Variants in HMGB1 observed in about 807,000 individuals in gnomAD.
HMGB1 encodes the protein high mobility group box 1, also known as high mobility group protein B1.
For missense variants in HMGB1, 79 were observed against 253.5 expected (o/e 0.31, Z 4.67); for synonymous variants, 81 against 84.0 (o/e 0.96, Z 0.19).
intron 1 of HMGB1, among the ~76,000 whole-genome samples, chr13:30,500,434 A>C (rs1887708236): frequency 1.3e-5 from 2 of 151,926 alleles, no homozygotes; most frequent in African/African-American, 4.8e-5. Flanking sequence ...CAGTGGTGCA[A>C]TCATGGCTCA....
intron 1 of HMGB1, among the ~76,000 whole-genome samples, chr13:30,510,183 G>T (rs1234757873): frequency 6.6e-6 from 1 of 152,162 alleles, no homozygotes; most frequent in Non-Finnish European, 1.5e-5. Flanking sequence ...CAGTACCAGT[G>T]GATAGACAGG....
intron 1 of HMGB1, among the ~76,000 whole-genome samples, chr13:30,492,012 C>T (rs909766812): frequency 3.3e-5 from 5 of 151,710 alleles, no homozygotes; most frequent in African/African-American, 1.2e-4. Context: ...ACTAAACATA[C>T]AAAAAATTAG....
At chr13:30,471,575 G>A (rs1348721990) in intron 1 of HMGB1, among the ~76,000 whole-genome samples, 2 of 141,174 alleles carry the variant, frequency 1.4e-5, no homozygotes, top group South Asian at 2.3e-4. Context: ...GGCTGGTCTC[G>A]AACTCCTAAC....
At chr13:30,502,539 A>G (rs1350739156) in intron 1 of HMGB1, among the ~76,000 whole-genome samples, 2 of 152,234 alleles carry the variant, frequency 1.3e-5, no homozygotes, top group Non-Finnish European at 2.9e-5. Flanking sequence ...GCATGGATGT[A>G]TAGGCACATC....
chr13:30,462,451 CT>C (rs780035673), intron 4 of HMGB1, 86 bp downstream of exon 4: 4 of 1,068,898 alleles, frequency 3.7e-6, no homozygotes, highest in Non-Finnish European at 5.8e-6. Flanking sequence ...AGCTGTTACC[CT>C]AAAAACTTAT....
chr13:30,533,829 A>T (rs1419260151), intron 1 of HMGB1, among the ~76,000 whole-genome samples: 1 of 151,674 alleles, frequency 6.6e-6, no homozygotes, highest in African/African-American at 2.4e-5. Context: ...AAAATCCCCA[A>T]TTTGAAAATT....
intron 1 of HMGB1, among the ~76,000 whole-genome samples, chr13:30,566,366 C>T (rs1870184379): frequency 6.6e-6 from 1 of 152,158 alleles, no homozygotes; most frequent in South Asian, 2.1e-4. Context: ...AGTTTCTGGG[C>T]CACATATGGT....
chr13:30,482,123 T>A (rs538300564), intron 1 of HMGB1, among the ~76,000 whole-genome samples: 2 of 152,324 alleles, frequency 1.3e-5, no homozygotes, highest in South Asian at 4.1e-4. Flanking sequence ...AGACACATAT[T>A]ATTGTCACAT....
At chr13:30,604,799 G>A (rs556389516) in intron 1 of HMGB1, among the ~76,000 whole-genome samples, 12 of 152,066 alleles carry the variant, frequency 7.9e-5, no homozygotes, top group Non-Finnish European at 1.3e-4. Flanking sequence ...CTGGGACTAC[G>A]GGCGCGTGCC....
Position 30,483,617 on chromosome 13 carries a change from C to CTTTTTTTT in HMGB1, c.-14-19931_-14-19924dup, listed in dbSNP as rs61395953. ...TGCCCACAAGAGAACGTGCAAATTT[C>CTTTTTTTT]TTTTTTTTTTTTTTTGAGTCAGGGT... is the stretch of plus-strand genomic sequence containing the variant. On this transcript the variant is annotated intron_variant, in intron 1 of 4. Transcript: ENST00000405805. Among the ~76,000 whole-genome samples, 14 of 135,882 alleles carry CTTTTTTTT rather than the reference C, an allele frequency of 1.0e-4. No homozygotes were observed. The South Asian group carries it at 3.1e-3, about 30-fold the overall frequency. 89.1% of individuals were successfully genotyped at this position (135,882 alleles called of 152,430 possible). A position where few individuals can be genotyped will look rare whatever the true frequency, so the allele number is the denominator to read the frequency against.
At chr13:30,508,781 C>A (rs77248594) in intron 1 of HMGB1, among the ~76,000 whole-genome samples, 12,730 of 152,146 alleles carry the variant, frequency 0.084, 772 homozygotes, top group African/African-American at 0.17. Flanking sequence ...AGACTATGTG[C>A]AAACACTTTT....
At chr13:30,474,589 C>T (rs748269117) in intron 1 of HMGB1, among the ~76,000 whole-genome samples, 2 of 152,016 alleles carry the variant, frequency 1.3e-5, no homozygotes, top group South Asian at 2.1e-4. Flanking sequence ...ACGTTTCATT[C>T]GGTCAAAGCG....
At position 30,559,587 on chromosome 13, in the gene HMGB1, T is replaced by A. The variant is rs1462676749; in HGVS notation, c.-15+57084A>T. 6.6e-6 allele frequency among the ~76,000 whole-genome samples: 1 copy of A among 152,148 alleles called. No homozygotes were observed. Among genetic ancestry groups the A allele is most frequent in the Non-Finnish European group, 1.5e-5 (1 of 68,024 alleles). The stretch of plus-strand genomic sequence containing the variant: ...TCTAACACATGAGATTAAATTTAGA[T>A]AGCCACATAGGGAAATCAGTTTTTA... On this transcript the variant is annotated intron_variant, in intron 1 of 4. Coordinates refer to the HMGB1 transcript ENST00000405805. The surrounding 1 kb of genome is among the most constrained non-coding windows in gnomAD (Gnocchi z 6.6).
chr13:30,506,024 G>A (rs1276092427), intron 1 of HMGB1, among the ~76,000 whole-genome samples: 1 of 152,124 alleles, frequency 6.6e-6, no homozygotes, highest in East Asian at 1.9e-4. Flanking sequence ...ACTGCACCTG[G>A]CCTGGAGACA....
chr13:30,480,229 T>G (rs139271969), intron 1 of HMGB1, among the ~76,000 whole-genome samples: 25 of 152,366 alleles, frequency 1.6e-4, no homozygotes, highest in African/African-American at 6.0e-4. Flanking sequence ...TGTGGAATAT[T>G]TACTTTGACA....
At chr13:30,519,468 G>T (rs1888182791) in intron 1 of HMGB1, among the ~76,000 whole-genome samples, 2 of 151,802 alleles carry the variant, frequency 1.3e-5, no homozygotes, top group South Asian at 4.2e-4. Context: ...GGCCAAGGTG[G>T]GCGGATCACG....
At chr13:30,516,527 G>T (rs1473443339) in intron 1 of HMGB1, among the ~76,000 whole-genome samples, 4 of 152,152 alleles carry the variant, frequency 2.6e-5, no homozygotes, top group Non-Finnish European at 4.4e-5. Flanking sequence ...ATAAGAGGTT[G>T]TTTTGTCATC....
chr13:30,583,201 C>T (rs145288627), intron 1 of HMGB1, among the ~76,000 whole-genome samples: 9 of 152,078 alleles, frequency 5.9e-5, no homozygotes, highest in African/African-American at 2.2e-4. Flanking sequence ...TCTAATAATG[C>T]CCCTTCCTTG....
chr13:30,546,828 T>C (rs1046494258), intron 1 of HMGB1, among the ~76,000 whole-genome samples: 15 of 152,232 alleles, frequency 9.9e-5, no homozygotes, highest in Non-Finnish European at 1.8e-4. Flanking sequence ...ATTATTGAAT[T>C]TTCAATCCTA....
Sources: allele counts gnomAD v4.1 joint callset (sites outside exome capture counted in the v4.1 genomes callset), GRCh38; gene constraint gnomAD v4.1.1; non-coding constraint Gnocchi (gnomAD v3.1); transcripts MANE v1.5; gene names NCBI Gene and HGNC (gene_info 2026-07-23, HGNC 2026-07-21).